The following SPOCK1 variants were observed in gnomAD, a reference collection of about 807,000 sequenced individuals.
SPOCK1 encodes the protein SPARC (osteonectin), cwcv and kazal like domains proteoglycan 1, also known as testican-1.
SPOCK1 carries 23 observed loss-of-function variants against 55.3 expected under a neutral mutation model. That is an observed-to-expected ratio of 0.42 (90% CI 0.30 to 0.59). SPOCK1 has a LOEUF of 0.59. Among genes scored for constraint, SPOCK1 ranks in the 20% least tolerant of loss-of-function variants. SPOCK1 has a pLI of 0.22. For synonymous variants in SPOCK1, 226 were observed against 221.0 expected (o/e 1.02, Z -0.20); for missense variants, 499 against 552.5 (o/e 0.90, Z 0.97).
rs931853639 is a variant in SPOCK1 at position 137,488,621 on chromosome 5, T to C, written c.186+9752A>G. Among the ~76,000 whole-genome samples, 4 of 152,158 alleles carry C rather than the reference T, an allele frequency of 2.6e-5. No homozygotes were observed. The East Asian group carries it at 7.7e-4, about 29-fold the overall frequency. The stretch of plus-strand genomic sequence containing the variant: ...AGAATTGAGTTAGAGCGTGACTCCA[T>C]TTGCACGGCGGGACAGACGAGTACA... On this transcript the variant is annotated intron_variant, in intron 2 of 10. Transcript: ENST00000394945.
At chr5:137,085,811 A>G (rs1482463579) in intron 5 of SPOCK1, among the ~76,000 whole-genome samples, 1 of 152,148 alleles carries the variant, frequency 6.6e-6, no homozygotes, top group East Asian at 1.9e-4. Flanking sequence ...TGCCAGTTTG[A>G]TGGGTGGAAA....
chr5:137,328,937 C>T (rs939044300), intron 2 of SPOCK1, among the ~76,000 whole-genome samples: 13 of 152,180 alleles, frequency 8.5e-5, no homozygotes, highest in African/African-American at 2.2e-4. Context: ...TTCACCACCC[C>T]GCCCCAGCCT....
chr5:137,016,741 C>A (rs1205819391), intron 6 of SPOCK1, among the ~76,000 whole-genome samples: 1 of 152,178 alleles, frequency 6.6e-6, no homozygotes, highest in African/African-American at 2.4e-5. Flanking sequence ...GAAAGGCTGC[C>A]CAGGCATCAA....
intron 3 of SPOCK1, among the ~76,000 whole-genome samples, chr5:137,180,227 A>G (rs959711714): frequency 6.6e-6 from 1 of 152,160 alleles, no homozygotes; most frequent in Non-Finnish European, 1.5e-5. Flanking sequence ...ACATGCAAGC[A>G]CTTGTTGAGC....
intron 2 of SPOCK1, among the ~76,000 whole-genome samples, chr5:137,317,896 T>C (rs897989281): frequency 7.2e-5 from 11 of 152,224 alleles, no homozygotes; most frequent in Non-Finnish European, 1.2e-4. Flanking sequence ...CAATTCATAT[T>C]TTTATTCTTC....
intron 4 of SPOCK1, among the ~76,000 whole-genome samples, chr5:137,137,450 G>A (rs762134363): frequency 1.3e-5 from 2 of 152,158 alleles, no homozygotes; most frequent in African/African-American, 2.4e-5. Context: ...AACTGATATC[G>A]TGGACTGAGT....
At chr5:137,273,245 G>T in intron 2 of SPOCK1, 1 of 331,380 alleles carries the variant, frequency 3.0e-6, no homozygotes, top group Non-Finnish European at 4.3e-6. Flanking sequence ...AAATAAATGT[G>T]TGTGGTACTG....
rs116537253 is a variant in SPOCK1 at position 137,010,283 on chromosome 5, G to A, written c.590-17683C>T. Among the ~76,000 whole-genome samples the A allele has an allele frequency of 6.3e-3, 958 of 152,116 alleles. 8 individuals are homozygous for A. The highest frequency in any genetic ancestry group is 0.022 in the African/African-American group (916 of 41,502). On this transcript the variant is annotated intron_variant, in intron 6 of 10. Coordinates refer to ENST00000394945, the MANE Select transcript of SPOCK1 (RefSeq NM_004598.4). ...AGAATGTGAATACTTAAGTGAAAAC[G>A]CTGCTCCAATTACCATAACAGCACC...
chr5:137,452,189 A>T (rs1204946176), intron 2 of SPOCK1, among the ~76,000 whole-genome samples: 1 of 152,218 alleles, frequency 6.6e-6, no homozygotes, highest in African/African-American at 2.4e-5. Context: ...ATGTTTTGTA[A>T]AACAAGCCAA....
At chr5:137,315,344 C>G (rs1022202937) in intron 2 of SPOCK1, among the ~76,000 whole-genome samples, 9 of 152,340 alleles carry the variant, frequency 5.9e-5, no homozygotes, top group African/African-American at 2.2e-4. Context: ...TTCCAAGGAT[C>G]TGTCTTCAAC....
intron 9 of SPOCK1, among the ~76,000 whole-genome samples, chr5:136,982,607 AT>A (rs58617794): frequency 0.031 from 4,624 of 150,606 alleles, 159 homozygotes; most frequent in African/African-American, 0.084. Flanking sequence ...ATCTATACAG[AT>A]TTTTTTTTTC....
chr5:137,191,186 TTA>T (rs1158396505), intron 3 of SPOCK1, among the ~76,000 whole-genome samples: 2 of 152,242 alleles, frequency 1.3e-5, no homozygotes, highest in African/African-American at 4.8e-5. Context: ...AGCAAGTTAC[TTA>T]ACCTCTCTGA....
chr5:137,333,392 G>A (rs1758224256), intron 2 of SPOCK1, among the ~76,000 whole-genome samples: 1 of 152,106 alleles, frequency 6.6e-6, no homozygotes, highest in Non-Finnish European at 1.5e-5. Context: ...TGAGGAGGAG[G>A]GAGCCAAGTC....
At chr5:137,301,907 A>G (rs1757598868) in intron 2 of SPOCK1, among the ~76,000 whole-genome samples, 1 of 152,298 alleles carries the variant, frequency 6.6e-6, no homozygotes, top group East Asian at 1.9e-4. Context: ...TACTGGGAGG[A>G]TGGCAAGAGC....
At chr5:137,018,767 T>C (rs904692246) in intron 6 of SPOCK1, among the ~76,000 whole-genome samples, 2 of 152,182 alleles carry the variant, frequency 1.3e-5, no homozygotes, top group African/African-American at 4.8e-5. Context: ...TCAAAATGTA[T>C]ACCTGAATCA....
chr5:137,064,201 C>T (rs1254242445), intron 6 of SPOCK1, among the ~76,000 whole-genome samples: 1 of 152,184 alleles, frequency 6.6e-6, no homozygotes, highest in African/African-American at 2.4e-5. Context: ...AAGCCTCCCA[C>T]CAATACTGTA....
At chr5:137,286,403 G>T (rs1221237116) in intron 2 of SPOCK1, among the ~76,000 whole-genome samples, 2 of 152,196 alleles carry the variant, frequency 1.3e-5, no homozygotes, top group African/African-American at 2.4e-5. Flanking sequence ...TGCCATGGAT[G>T]GTTGTATAGG....
chr5:137,223,308 G>GGA (rs1554071068), intron 3 of SPOCK1, among the ~76,000 whole-genome samples: 216 of 141,648 alleles, frequency 1.5e-3, no homozygotes, highest in African/African-American at 5.3e-3. Flanking sequence ...GCTATAACAT[G>GGA]AAAAAAAAAA....
intron 3 of SPOCK1, among the ~76,000 whole-genome samples, chr5:137,227,467 G>T (rs1277675137): frequency 5.3e-5 from 8 of 152,296 alleles, no homozygotes; most frequent in Admixed American, 2.6e-4. Context: ...TCATCAGAGG[G>T]TCATGAAATC....
Sources: allele counts gnomAD v4.1 joint callset (sites outside exome capture counted in the v4.1 genomes callset), GRCh38; gene constraint gnomAD v4.1.1; transcripts MANE v1.5; gene names NCBI Gene and HGNC (gene_info 2026-07-23, HGNC 2026-07-21).